The following RHBDD1 variants were observed in gnomAD, a reference collection of about 807,000 sequenced individuals.
The protein encoded by RHBDD1 is rhomboid domain containing 1, also known as rhomboid-related protein 4.
RHBDD1 carries 38 observed loss-of-function variants against 36.3 expected under a neutral mutation model. The observed-to-expected ratio is 1.05, with a 90% CI of 0.81 to 1.37. The LOEUF is 1.37. Ranked by LOEUF, RHBDD1 falls within the 40% of genes most tolerant of loss-of-function variation. RHBDD1 has a pLI of 0.00. For missense variants in RHBDD1, 393 were observed against 377.6 expected (o/e 1.04, Z -0.34); for synonymous variants, 151 against 136.5 (o/e 1.11, Z -0.74).
chr2:226,836,079 G>T lies in RHBDD1; in HGVS notation c.-400G>T, dbSNP rs1262413912. The T allele has an allele frequency of 4.6e-5, 7 of 152,854 alleles. No homozygotes were observed. Among genetic ancestry groups the T allele is most frequent in the African/African-American group, 1.7e-4 (7 of 41,596 alleles). 9.5% of individuals were successfully genotyped at this position (152,854 alleles called of 1,614,324 possible). On this transcript the variant is annotated 5_prime_UTR_variant, in exon 1 of 9. Coordinates refer to ENST00000392062, the MANE Select transcript of RHBDD1 (RefSeq NM_001167608.3). ...GAAGACGTGGGGACGCAGGCGGGTC[G>T]TAGAGAGCGTGAGTTTCCGCGTCTG...
At chr2:226,949,538 A>G (rs536773773) in intron 8 of RHBDD1, among the ~76,000 whole-genome samples, 4 of 152,304 alleles carry the variant, frequency 2.6e-5, no homozygotes, top group Admixed American at 1.3e-4. Flanking sequence ...TTCATTTCAC[A>G]GTCTATGTAC....
the RHBDD1 span, chr2:226,804,206 T>C: frequency 6.6e-6 from 1 of 152,212 alleles, no homozygotes; most frequent in African/African-American, 2.4e-5. Context: ...GTTGTGTTAG[T>C]GTTTTCCAAG....
intron 7 of RHBDD1, 108 bp downstream of exon 7, chr2:226,908,986 T>C: frequency 1.4e-6 from 1 of 731,312 alleles, no homozygotes; most frequent in Non-Finnish European, 2.4e-6. Context: ...GGTAGGGTCA[T>C]TCACATGTTG....
chr2:226,942,221 A>G lies in RHBDD1; in HGVS notation c.856+27870A>G, dbSNP rs1402195339. Reference sequence around the variant, plus strand: ...GGAGGATGTTTGTATTCTTGGAGTTAGATTGGCTGTCGTGATCATCTTTTT... The same window carrying G: ...GGAGGATGTTTGTATTCTTGGAGTTGGATTGGCTGTCGTGATCATCTTTTT... On this transcript the variant is annotated intron_variant, in intron 8 of 8. Transcript: ENST00000392062. Among the ~76,000 whole-genome samples, 4 of 150,860 alleles carry G rather than the reference A, an allele frequency of 2.7e-5. No homozygotes were observed. In the East Asian group the frequency reaches 5.9e-4, roughly 22 times the overall value.
rs774636746 is a variant in RHBDD1 at position 226,864,876 on chromosome 2, G to T, written c.183G>T (p.Gln61His). The change falls in exon 4 of 9, where the codon CAG (glutamine) becomes CAT (histidine). Residue 61 changes from glutamine to histidine, a missense_variant. Transcript: ENST00000392062. The stretch of plus-strand genomic sequence containing the variant: ...GCCTTAGTGTGGAGAAGTGTTACCA[G>T]CAAAAAGACTGGCAGCGTTTACTGC... The part of the protein sequence containing the change: ...SSCLSVEKCY[Q>H]QKDWQRLLLS... 14 of 1,614,068 alleles carry T rather than the reference G, an allele frequency of 8.7e-6. No individual in the cohort carries two copies. In the East Asian group the frequency reaches 2.7e-4, roughly 31 times the overall value.
chr2:226,870,996 G>A (rs1295716580), intron 5 of RHBDD1, among the ~76,000 whole-genome samples: 4 of 151,998 alleles, frequency 2.6e-5, no homozygotes, highest in Non-Finnish European at 4.4e-5. Context: ...CACTGTATTT[G>A]GTAAAATATG....
At chr2:226,877,988 C>A (rs1275787602) in intron 5 of RHBDD1, among the ~76,000 whole-genome samples, 2 of 152,056 alleles carry the variant, frequency 1.3e-5, no homozygotes, top group Admixed American at 1.3e-4. Context: ...AAAAAAAGGG[C>A]AGATCATGTC....
intron 8 of RHBDD1, among the ~76,000 whole-genome samples, chr2:226,916,596 G>A (rs6710062): frequency 4.6e-5 from 7 of 152,060 alleles, no homozygotes; most frequent in African/African-American, 1.7e-4. Flanking sequence ...GAAAGATTTG[G>A]ACTTATATTT....
chr2:226,988,583 T>A lies in RHBDD1; in HGVS notation c.857-6848T>A, dbSNP rs369445650. 56 of 1,381,216 alleles carry A rather than the reference T, an allele frequency of 4.1e-5. No individual in the cohort carries two copies. In the East Asian group the frequency reaches 1.2e-3, roughly 30 times the overall value. 85.6% of individuals were successfully genotyped at this position (1,381,216 alleles called of 1,614,324 possible). A position where few individuals can be genotyped will look rare whatever the true frequency, so the allele number is the denominator to read the frequency against. ...TGGTGTGGAATCTGCATCAGAAACA[T>A]CAGAAGAGGCCGGGGGCTCCAGCTG... On this transcript the variant is annotated intron_variant, in intron 8 of 8. Coordinates refer to ENST00000392062, the MANE Select transcript of RHBDD1 (RefSeq NM_001167608.3).
At chr2:226,944,514 G>C (rs933343815) in intron 8 of RHBDD1, among the ~76,000 whole-genome samples, 1 of 152,156 alleles carries the variant, frequency 6.6e-6, no homozygotes, top group Non-Finnish European at 1.5e-5. Flanking sequence ...GCCGAGACTT[G>C]TGTTCTGAAA....
chr2:226,901,453 C>T (rs1947586359), intron 5 of RHBDD1, among the ~76,000 whole-genome samples: 1 of 152,112 alleles, frequency 6.6e-6, no homozygotes, highest in South Asian at 2.1e-4. Flanking sequence ...TTGTAAGGAA[C>T]CTCTGTATTG....
intron 8 of RHBDD1, among the ~76,000 whole-genome samples, chr2:226,930,258 C>G (rs1436942557): frequency 6.6e-6 from 1 of 151,906 alleles, no homozygotes. Context: ...CTTCAAATTA[C>G]ACTACAAGGA....
chr2:226,902,007 G>A (rs1947637567), intron 5 of RHBDD1, among the ~76,000 whole-genome samples: 2 of 152,116 alleles, frequency 1.3e-5, no homozygotes, highest in African/African-American at 4.8e-5. Flanking sequence ...ATGTAGAGTT[G>A]GTGGTGGTCC....
At chr2:226,900,722 C>T (rs1434257520) in intron 5 of RHBDD1, among the ~76,000 whole-genome samples, 2 of 152,124 alleles carry the variant, frequency 1.3e-5, no homozygotes, top group Non-Finnish European at 2.9e-5. Context: ...ATTTTCCCCC[C>T]AGCTTTATTG....
intron 8 of RHBDD1, among the ~76,000 whole-genome samples, chr2:226,946,761 C>T (rs1402529916): frequency 3.3e-5 from 5 of 152,096 alleles, no homozygotes; most frequent in Non-Finnish European, 7.4e-5. Flanking sequence ...AATTCCTGGA[C>T]ACAGGAATAT....
At chr2:226,878,703 G>A (rs1055992017) in intron 5 of RHBDD1, among the ~76,000 whole-genome samples, 1 of 152,138 alleles carries the variant, frequency 6.6e-6, no homozygotes, top group Non-Finnish European at 1.5e-5. Context: ...AGCAGAGACC[G>A]ACCACCCCGT....
chr2:226,985,146 C>T lies in RHBDD1; in HGVS notation c.857-10285C>T, dbSNP rs563760107. On this transcript the variant is annotated intron_variant, in intron 8 of 8. Transcript: ENST00000392062. ...TGGAGTTAGCATATTTAGGAGGCTCCGGATCATTCCTGCAAAGCACTCACT... is the reference window on the plus strand; with the variant it reads ...TGGAGTTAGCATATTTAGGAGGCTCTGGATCATTCCTGCAAAGCACTCACT... Among the ~76,000 whole-genome samples the T allele has an allele frequency of 1.3e-4, 20 of 152,296 alleles. No homozygotes were observed. The South Asian group carries it at 1.9e-3, about 14-fold the overall frequency.
the RHBDD1 span, among the ~76,000 whole-genome samples, chr2:226,821,296 T>C: frequency 1.3e-5 from 2 of 152,196 alleles, no homozygotes; most frequent in African/African-American, 4.8e-5. Flanking sequence ...CTAAATGCAA[T>C]AGTGACTAGT....
chr2:226,818,402 G>A, the RHBDD1 span, among the ~76,000 whole-genome samples: 8 of 150,800 alleles, frequency 5.3e-5, no homozygotes, highest in Admixed American at 4.0e-4. Flanking sequence ...TCCTGACCTC[G>A]TGATCTGCTC....
Sources: gnomAD v4.1 joint callset for allele counts (sites outside exome capture counted in the v4.1 genomes callset) on GRCh38, gnomAD v4.1.1 for gene constraint, MANE v1.5 for transcripts, NCBI Gene and HGNC (gene_info 2026-07-23, HGNC 2026-07-21) for gene names.